Variants in UNC79 observed in about 807,000 individuals in gnomAD.
The protein encoded by UNC79 is protein unc-79 homolog.
UNC79 carries 37 observed loss-of-function variants against 283.1 expected under a neutral mutation model. The observed-to-expected ratio is 0.13, with a 90% confidence interval of 0.10 to 0.17. The LOEUF is 0.17. Among genes scored for constraint, UNC79 ranks in the 10% least tolerant of loss-of-function variants. The pLI is 1.00. For synonymous variants in UNC79, 1,107 were observed against 1,200.2 expected (o/e 0.92, Z 1.61); for missense variants, 2,272 against 3,211.1 (o/e 0.71, Z 7.07).
intron 23 of UNC79, among the ~76,000 whole-genome samples, chr14:93,597,078 C>G (rs766397636): frequency 6.6e-6 from 1 of 152,032 alleles, no homozygotes; most frequent in East Asian, 1.9e-4. Context: ...AGAGAAAGAC[C>G]ATGAAAAAAT....
chr14:93,686,299 A>C (rs1281525543), intron 42 of UNC79, among the ~76,000 whole-genome samples: 1 of 152,222 alleles, frequency 6.6e-6, no homozygotes, highest in African/African-American at 2.4e-5. Flanking sequence ...GCACACACAC[A>C]CACAAAATCA....
chr14:93,374,588 G>A (rs1189948829), intron 1 of UNC79, among the ~76,000 whole-genome samples: 1 of 152,068 alleles, frequency 6.6e-6, no homozygotes, highest in South Asian at 2.1e-4. Flanking sequence ...ACTTAGGAAG[G>A]CGTACAATGG....
downstream of UNC79, chr14:93,706,946 A>G (rs1288928571): frequency 3.7e-6 from 6 of 1,605,818 alleles, no homozygotes; most frequent in Non-Finnish European, 5.1e-6. Context: ...TGGTTTAGCA[A>G]TAATGGGTTT....
intron 7 of UNC79, among the ~76,000 whole-genome samples, chr14:93,519,798 TA>T (rs2060238038): frequency 6.6e-6 from 1 of 151,888 alleles, no homozygotes; most frequent in African/African-American, 2.4e-5. Flanking sequence ...ACATATAATG[TA>T]AGGCCTTTTT....
chr14:93,673,686 G>A (rs2073087120), intron 41 of UNC79, among the ~76,000 whole-genome samples: 1 of 152,038 alleles, frequency 6.6e-6, no homozygotes, highest in Non-Finnish European at 1.5e-5. Flanking sequence ...TTAGTTCTGT[G>A]GGGGTTAAAA....
intron 4 of UNC79, 149 bp from the exon 5 acceptor site, chr14:93,487,514 T>A: frequency 1.7e-6 from 1 of 571,742 alleles, no homozygotes; most frequent in Non-Finnish European, 3.0e-6. Context: ...CCAGGACACA[T>A]TTTGTGGTTT....
chr14:93,480,907 C>A (rs1458590023), intron 4 of UNC79, among the ~76,000 whole-genome samples: 1 of 152,058 alleles, frequency 6.6e-6, no homozygotes, highest in Non-Finnish European at 1.5e-5. Context: ...GACAAAAAGG[C>A]TTTTTGGTGT....
upstream of UNC79, among the ~76,000 whole-genome samples, chr14:93,427,341 A>G (rs1247479833): frequency 6.6e-6 from 1 of 152,218 alleles, no homozygotes; most frequent in Non-Finnish European, 1.5e-5. Flanking sequence ...TGTTTAATAA[A>G]CATAATTAAA....
intron 1 of UNC79, among the ~76,000 whole-genome samples, chr14:93,396,234 G>GTT: frequency 7.5e-6 from 1 of 133,382 alleles, no homozygotes; most frequent in Admixed American, 7.3e-5. Context: ...TTTTCTCTTT[G>GTT]TTTTTTTTTT....
chr14:93,460,164 A>G (rs1490433974), intron 1 of UNC79, among the ~76,000 whole-genome samples: 39 of 116,250 alleles, frequency 3.4e-4, no homozygotes, highest in Admixed American at 7.5e-4. Context: ...CCGTCTCGCC[A>G]CTGTACTCCA....
chr14:93,680,583 CTATTTATTTATT>C lies in UNC79; in HGVS notation c.6742-2020_6742-2009del, dbSNP rs150467251. 2.6e-5 allele frequency among the ~76,000 whole-genome samples: 4 copies of C among 152,006 alleles called. No homozygotes were observed. The South Asian group carries it at 8.3e-4, about 32-fold the overall frequency. On this transcript the variant is annotated intron_variant, in intron 41 of 48. Coordinates refer to ENST00000555664, the Ensembl canonical transcript of UNC79. ...TGTCTTAGACTGAAGACTTAGATAG[CTATTTATTTATT>C]TATTTATTTATTTGAAGCAGAGTCT...
intron 7 of UNC79, among the ~76,000 whole-genome samples, chr14:93,512,938 A>G (rs1395154382): frequency 1.3e-5 from 2 of 152,084 alleles, no homozygotes; most frequent in Non-Finnish European, 2.9e-5. Flanking sequence ...TTTTTATTGT[A>G]TGATGGACAT....
intron 8 of UNC79, among the ~76,000 whole-genome samples, chr14:93,528,357 G>A (rs111854721): frequency 2.6e-5 from 4 of 152,242 alleles, no homozygotes; most frequent in African/African-American, 4.8e-5. Flanking sequence ...GAAAAACCAC[G>A]GCAGCCACAT....
chr14:93,500,702 G>T (rs1306680785), intron 7 of UNC79, among the ~76,000 whole-genome samples: 2 of 152,304 alleles, frequency 1.3e-5, no homozygotes, highest in East Asian at 3.9e-4. Context: ...GGGACATAGA[G>T]TTTAAGTAAC....
At chr14:93,660,559 A>ATGTGTGTGTGTG (rs1323219450) in intron 39 of UNC79, among the ~76,000 whole-genome samples, 3 of 86,846 alleles carry the variant, frequency 3.5e-5, no homozygotes, top group African/African-American at 1.6e-4. Flanking sequence ...ATATATATAT[A>ATGTGTGTGTGTG]TATATGTGTG....
At chr14:93,691,114 T>C (rs552756175) in intron 45 of UNC79, 1 of 154,546 alleles carries the variant, frequency 6.5e-6, no homozygotes, top group African/African-American at 2.4e-5. Context: ...CTAACTATGG[T>C]ACTTGCGATT....
chr14:93,686,464 C>A, intron 42 of UNC79, 108 bp from the exon 46 acceptor site: 1 of 1,177,858 alleles, frequency 8.5e-7, no homozygotes, highest in Non-Finnish European at 1.2e-6. Flanking sequence ...AGTCAGAAAT[C>A]CAGAAAGTAA....
At chr14:93,672,514 G>A (rs1308437866) in intron 40 of UNC79, among the ~76,000 whole-genome samples, 1 of 152,166 alleles carries the variant, frequency 6.6e-6, no homozygotes, top group Non-Finnish European at 1.5e-5. Context: ...AGGCTGGGAA[G>A]GGTGTGTGTG....
At chr14:93,657,614 G>A (rs1486422711) in intron 38 of UNC79, among the ~76,000 whole-genome samples, 3 of 152,168 alleles carry the variant, frequency 2.0e-5, no homozygotes, top group Non-Finnish European at 4.4e-5. Context: ...GCCTCCCAAA[G>A]TGCTGGGATT....
Sources: gnomAD v4.1 joint callset for allele counts (sites outside exome capture counted in the v4.1 genomes callset) on GRCh38, gnomAD v4.1.1 for gene constraint, MANE v1.5 for transcripts, NCBI Gene and HGNC (gene_info 2026-07-23, HGNC 2026-07-21) for gene names.